CCNB3: variants seen among roughly 807,000 people sequenced by gnomAD.
CCNB3 encodes the protein cyclin B3.
CCNB3 carries 12 observed loss-of-function variants against 68.0 expected under a neutral mutation model. The ratio of observed to expected loss-of-function variants is 0.18; its 90% CI spans 0.11 to 0.29. The LOEUF (loss-of-function observed/expected upper bound fraction) is 0.29. Ranked by LOEUF, CCNB3 falls within the 10% of genes least tolerant of loss-of-function variation. The probability of loss-of-function intolerance (pLI) is 1.00; values close to 1 mark genes in which losing one functional copy is unlikely to be tolerated. For missense variants in CCNB3, 904 were observed against 993.1 expected, an observed-to-expected ratio of 0.91 and a Z score of 1.21; for synonymous variants, 354 against 388.9, an observed-to-expected ratio of 0.91 and a Z score of 1.06.
chrX:50,213,617 C>G (rs1372391240), intron 1 of CCNB3, among the ~76,000 whole-genome samples: 1 of 111,217 alleles, frequency 9.0e-6, no homozygotes, highest in Non-Finnish European at 1.9e-5. Context: ...GTTTAATTAT[C>G]CAGTGAAATC....
Position 50,300,231 on chromosome X carries a change from A to T in CCNB3, c.335+5238A>T, listed in dbSNP as rs183255682. Among the ~76,000 whole-genome samples, 250 of 111,289 alleles carry T rather than the reference A, an allele frequency of 2.2e-3. 1 individual carries two copies. The highest frequency in any genetic ancestry group is 7.8e-3 in the African/African-American group (238 of 30,627). ...TTGGTGCAGTTTCTTCCTATCCTTG[A>T]CGGTCTTTACAATTTGGCATGTTTT... On this transcript the variant is annotated intron_variant, in intron 5 of 12. Transcript: ENST00000376042.
At chrX:50,302,664 T>C (rs1936674705) in intron 5 of CCNB3, among the ~76,000 whole-genome samples, 2 of 111,672 alleles carry the variant, frequency 1.8e-5, no homozygotes, top group Admixed American at 1.9e-4. Flanking sequence ...TCTTACTTTC[T>C]ATATAGATTT....
intron 4 of CCNB3, among the ~76,000 whole-genome samples, chrX:50,294,102 A>AT (rs1451628207): frequency 2.6e-4 from 28 of 108,632 alleles, no homozygotes; most frequent in African/African-American, 8.4e-4. Context: ...ACACCGAGCT[A>AT]TTTTTTTTAT....
chrX:50,323,699 A>T (rs1305774247), intron 8 of CCNB3, among the ~76,000 whole-genome samples: 2 of 112,090 alleles, frequency 1.8e-5, no homozygotes, highest in Admixed American at 1.9e-4. Context: ...CTTTATTTAC[A>T]ATTTTTGCAT....
At position 50,309,534 on chromosome X, in the gene CCNB3, G is replaced by A. The variant is rs369716053; in HGVS notation, c.1365G>A (p.Ser455=). The A allele has an allele frequency of 4.5e-4, 539 of 1,209,286 alleles. 1 individual carries two copies. Among genetic ancestry groups the A allele is most frequent in the Non-Finnish European group, 5.9e-4 (524 of 894,996 alleles). Residue 455 remains serine, a synonymous_variant, in exon 6 of 13, where the codon TCG becomes TCA. Coordinates refer to ENST00000376042, the MANE Select transcript of CCNB3 (RefSeq NM_033031.3). ...QEEVSILKEP[S]SLLKSPTEES... ...AGGTTTCCATCTTAAAGGAGCCCTC[G>A]TCCTTGCTAAAGTCTCCAACTGAGG...
intron 1 of CCNB3, among the ~76,000 whole-genome samples, chrX:50,279,962 G>A (rs1292171635): frequency 1.3e-5 from 1 of 79,220 alleles, no homozygotes; most frequent in Non-Finnish European, 2.2e-5. Flanking sequence ...GAATATATGA[G>A]TATATATATA....
chrX:50,286,664 T>G lies in CCNB3; in HGVS notation c.96+1405T>G, dbSNP rs762055358. Among the ~76,000 whole-genome samples the G allele has an allele frequency of 3.9e-3, 409 of 103,756 alleles. 1 individual carries two copies. Among genetic ancestry groups the G allele is most frequent in the African/African-American group, 0.013 (373 of 28,208 alleles). 90.1% of individuals were successfully genotyped at this position (103,756 alleles called of 115,157 possible). Reference sequence around the variant, plus strand: ...GTTGTTGTTGTTTGTTTGTTTGTTTTTTTTGAGACGTAGTCTTGCTCTGTC... The same window carrying G: ...GTTGTTGTTGTTTGTTTGTTTGTTTGTTTTGAGACGTAGTCTTGCTCTGTC... On this transcript the variant is annotated intron_variant, in intron 3 of 12. Coordinates refer to ENST00000376042, the MANE Select transcript of CCNB3 (RefSeq NM_033031.3).
At chrX:50,304,569 G>A (rs1420161275) in intron 5 of CCNB3, among the ~76,000 whole-genome samples, 3 of 111,783 alleles carry the variant, frequency 2.7e-5, no homozygotes, top group African/African-American at 6.5e-5. Flanking sequence ...AACCTAGGCA[G>A]TACCATTCAG....
chrX:50,313,005 A>T (rs1294558533), intron 7 of CCNB3, among the ~76,000 whole-genome samples: 1 of 111,052 alleles, frequency 9.0e-6, no homozygotes, highest in African/African-American at 3.3e-5. Context: ...ATGGTCAAGT[A>T]GTCTCTGAGT....
intron 1 of CCNB3, among the ~76,000 whole-genome samples, chrX:50,220,659 G>C (rs1253517912): frequency 1.8e-5 from 2 of 111,609 alleles, no homozygotes; most frequent in Non-Finnish European, 3.8e-5. Context: ...TTGATGTGCT[G>C]CTGCATTTGG....
At chrX:50,314,877 T>C (rs1162072893) in intron 8 of CCNB3, among the ~76,000 whole-genome samples, 1 of 111,543 alleles carries the variant, frequency 9.0e-6, no homozygotes. Flanking sequence ...ATTAGTAATG[T>C]AAATGAGAAC....
At chrX:50,217,329 A>G in intron 1 of CCNB3, among the ~76,000 whole-genome samples, 1 of 88,276 alleles carries the variant, frequency 1.1e-5, no homozygotes, top group Non-Finnish European at 2.1e-5. Flanking sequence ...GCTGGAGGGC[A>G]GTGGCACAAT....
In CCNB3 at chrX:50,279,199, A is replaced by ATG. The variant is rs1936021044; in HGVS notation, c.-112-5343_-112-5342insTG. On this transcript the variant is annotated intron_variant, in intron 1 of 12. Coordinates refer to ENST00000376042, the MANE Select transcript of CCNB3 (RefSeq NM_033031.3). ...TGAATATAATATATTCTCTATATATAAATATATAGAGTATATATATTCATA... is the reference window on the plus strand; with the variant it reads ...TGAATATAATATATTCTCTATATATATGAATATATAGAGTATATATATTCATA... Among the ~76,000 whole-genome samples, 3 of 2,176 alleles carry ATG rather than the reference A, an allele frequency of 1.4e-3. No homozygotes were observed. The East Asian group carries it at 0.14, about 104-fold the overall frequency. The allele number at this position is 2,176 out of a possible 115,157, so 1.9% of individuals were successfully genotyped here. A position where few individuals can be genotyped will look rare whatever the true frequency, so the allele number is the denominator to read the frequency against.
chrX:50,226,535 T>C (rs1935814976), intron 1 of CCNB3, among the ~76,000 whole-genome samples: 2 of 71,833 alleles, frequency 2.8e-5, no homozygotes, highest in Non-Finnish European at 4.8e-5. Flanking sequence ...ATATATAGAA[T>C]ATATGAATAT....
chrX:50,321,766 C>G (rs190139530), intron 8 of CCNB3, among the ~76,000 whole-genome samples: 229 of 111,074 alleles, frequency 2.1e-3, no homozygotes, highest in African/African-American at 6.4e-3. Context: ...TGTTCTTGCA[C>G]ATTAATTCTT....
intron 1 of CCNB3, among the ~76,000 whole-genome samples, chrX:50,226,149 T>C (rs1328998308): frequency 2.7e-5 from 2 of 75,187 alleles, no homozygotes; most frequent in Admixed American, 2.0e-4. Flanking sequence ...ATATATTCTA[T>C]ATATATGAAT....
intron 1 of CCNB3, among the ~76,000 whole-genome samples, chrX:50,208,212 CACCATAA>C (rs1935407049): frequency 8.9e-6 from 1 of 111,995 alleles, no homozygotes; most frequent in Admixed American, 9.5e-5. Context: ...ATCTGGTGTT[CACCATAA>C]ACCATAAGGC....
intron 1 of CCNB3, among the ~76,000 whole-genome samples, chrX:50,280,321 A>T (rs1936114468): frequency 9.7e-6 from 1 of 102,955 alleles, no homozygotes; most frequent in Non-Finnish European, 1.9e-5. Flanking sequence ...TAGAATATAG[A>T]TTTAAATATA....
At chrX:50,220,885 T>G (rs1246995332) in intron 1 of CCNB3, among the ~76,000 whole-genome samples, 3 of 111,647 alleles carry the variant, frequency 2.7e-5, no homozygotes, top group Non-Finnish European at 5.6e-5. Context: ...AGAATGCGGT[T>G]GTGAATCCGT....
Sources: gnomAD v4.1 joint callset for allele counts (sites outside exome capture counted in the v4.1 genomes callset) on GRCh38, gnomAD v4.1.1 for gene constraint, MANE v1.5 for transcripts, NCBI Gene and HGNC (gene_info 2026-07-23, HGNC 2026-07-21) for gene names.